Variants in CMIP observed in about 807,000 individuals in gnomAD.
The protein encoded by CMIP is C-Maf-inducing protein.
A neutral mutation model predicts 97.3 loss-of-function variants in CMIP; 13 were observed. The observed-to-expected ratio is 0.13, with a 90% CI of 0.09 to 0.21. The LOEUF (loss-of-function observed/expected upper bound fraction) is 0.21, where lower values mean the gene tolerates loss of function less well. Among genes scored for constraint, CMIP ranks in the 10% least tolerant of loss-of-function variants. CMIP has a pLI of 1.00. For synonymous variants in CMIP, 538 were observed against 436.3 expected (o/e 1.23, Z -2.91); for missense variants, 847 against 1,024.9 (o/e 0.83, Z 2.37).
chr16:81,700,280 G>T (rs1424098390), intron 15 of CMIP, among the ~76,000 whole-genome samples: 1 of 151,920 alleles, frequency 6.6e-6, no homozygotes, highest in Non-Finnish European at 1.5e-5. Flanking sequence ...TCACCTCGTG[G>T]CCTCCAGGTA....
intron 1 of CMIP, among the ~76,000 whole-genome samples, chr16:81,487,558 C>G (rs1042128049): frequency 1.3e-5 from 2 of 152,166 alleles, no homozygotes; most frequent in Admixed American, 1.3e-4. Flanking sequence ...TCTCCCAAGG[C>G]GAAGGAAGCC....
At chr16:81,691,140 A>T (rs888089773) in intron 10 of CMIP, among the ~76,000 whole-genome samples, 3 of 152,194 alleles carry the variant, frequency 2.0e-5, no homozygotes, top group African/African-American at 7.2e-5. Flanking sequence ...ATAAAGTACC[A>T]TCAACCTCAT....
chr16:81,451,611 C>T (rs1217054194), intron 1 of CMIP, among the ~76,000 whole-genome samples: 1 of 152,172 alleles, frequency 6.6e-6, no homozygotes, highest in Non-Finnish European at 1.5e-5. Flanking sequence ...GGGGTTATTG[C>T]TACCTGGAGT....
At chr16:81,509,441 A>G (rs933808905) in intron 1 of CMIP, among the ~76,000 whole-genome samples, 1 of 152,166 alleles carries the variant, frequency 6.6e-6, no homozygotes, top group East Asian at 1.9e-4. Flanking sequence ...TGGGTTTGAC[A>G]TTGGGGCTGC....
chr16:81,552,963 G>T (rs573546721), intron 1 of CMIP, among the ~76,000 whole-genome samples: 4 of 152,236 alleles, frequency 2.6e-5, no homozygotes, highest in Non-Finnish European at 5.9e-5. Flanking sequence ...AGTGCAGGGG[G>T]TTTGGGAGTC....
chr16:81,666,977 G>GT (rs926693295), intron 7 of CMIP: 2 of 151,660 alleles, frequency 1.3e-5, no homozygotes, highest in African/African-American at 2.4e-5. Flanking sequence ...TGTGGGGGGG[G>GT]GGTCATGTCT....
intron 1 of CMIP, among the ~76,000 whole-genome samples, chr16:81,537,569 AAAG>A (rs1458047999): frequency 1.4e-5 from 2 of 146,366 alleles, no homozygotes; most frequent in Non-Finnish European, 3.0e-5. Flanking sequence ...AAAAAAAAAA[AAAG>A]ACCCAAATAG....
At chr16:81,698,289 C>T (rs1906991121) in intron 14 of CMIP, among the ~76,000 whole-genome samples, 2 of 152,202 alleles carry the variant, frequency 1.3e-5, no homozygotes, top group Non-Finnish European at 2.9e-5. Context: ...CTCCCCCCAG[C>T]CCCGGTGACC....
chr16:81,565,462 G>A (rs368720252), intron 1 of CMIP, among the ~76,000 whole-genome samples: 3 of 152,176 alleles, frequency 2.0e-5, no homozygotes, highest in African/African-American at 4.8e-5. Context: ...ACACAGGGCC[G>A]CCAGCTTCCC....
intron 15 of CMIP, among the ~76,000 whole-genome samples, chr16:81,700,238 C>CT (rs2151095036): frequency 6.6e-6 from 1 of 152,172 alleles, no homozygotes; most frequent in Admixed American, 6.5e-5. Flanking sequence ...ACAATGAGGG[C>CT]TTTGGCGGCT....
chr16:81,476,364 G>A, intron 1 of CMIP: 6 of 1,304,770 alleles, frequency 4.6e-6, no homozygotes, highest in Non-Finnish European at 6.7e-6. Flanking sequence ...TCCTGTGAAA[G>A]CAGGAACCCT....
chr16:81,634,012 G>A (rs2092201516), intron 3 of CMIP, among the ~76,000 whole-genome samples: 1 of 152,228 alleles, frequency 6.6e-6, no homozygotes, highest in Admixed American at 6.5e-5. Context: ...CAGGGATTTT[G>A]AACCGGTAGC....
chr16:81,480,748 C>T (rs1443427613), intron 1 of CMIP, among the ~76,000 whole-genome samples: 3 of 152,182 alleles, frequency 2.0e-5, no homozygotes, highest in Admixed American at 6.5e-5. Context: ...TCTCATTTTA[C>T]CTTTACAGCC....
intron 6 of CMIP, among the ~76,000 whole-genome samples, chr16:81,663,411 C>T (rs971259104): frequency 6.6e-6 from 1 of 152,064 alleles, no homozygotes; most frequent in Non-Finnish European, 1.5e-5. Context: ...ATTCCAACTA[C>T]AGGACATTCT....
intron 1 of CMIP, chr16:81,476,433 A>C (rs1285388035): frequency 2.9e-5 from 29 of 987,580 alleles, no homozygotes; most frequent in Non-Finnish European, 4.4e-5. Context: ...CTGTCTTTGG[A>C]AACTTGTTTG....
intron 1 of CMIP, chr16:81,517,977 T>C: frequency 1.1e-6 from 1 of 934,734 alleles, no homozygotes; most frequent in Non-Finnish European, 1.3e-6. Flanking sequence ...GTGGAATTTT[T>C]TCACAAAGTA....
intron 5 of CMIP, among the ~76,000 whole-genome samples, chr16:81,659,558 G>T (rs887782194): frequency 6.6e-6 from 1 of 152,152 alleles, no homozygotes; most frequent in Non-Finnish European, 1.5e-5. Flanking sequence ...GTGGTAAGAC[G>T]GGCTGCTGCA....
intron 9 of CMIP, among the ~76,000 whole-genome samples, chr16:81,673,981 G>T (rs138880593): frequency 3.2e-4 from 49 of 152,308 alleles, no homozygotes; most frequent in Non-Finnish European, 6.6e-4. Flanking sequence ...GTACAGGGGG[G>T]ATTTCTCAAA....
chr16:81,490,772 A>G (rs371314113), intron 1 of CMIP, among the ~76,000 whole-genome samples: 279 of 151,800 alleles, frequency 1.8e-3, no homozygotes, highest in African/African-American at 6.4e-3. Context: ...TGAAGGAGGG[A>G]GCCACCCTGG....
Sources: allele counts gnomAD v4.1 joint callset (sites outside exome capture counted in the v4.1 genomes callset), GRCh38; gene constraint gnomAD v4.1.1; transcripts MANE v1.5; gene names NCBI Gene and HGNC (gene_info 2026-07-23, HGNC 2026-07-21).